The following USP9X variants were observed in gnomAD, a reference collection of about 807,000 sequenced individuals.
The protein encoded by USP9X is ubiquitin carboxyl-terminal hydrolase 9X.
Under a neutral mutation model 190.3 loss-of-function variants are expected in USP9X, and 7 were observed. The observed-to-expected ratio is 0.04, with a 90% CI of 0.02 to 0.07. The LOEUF (loss-of-function observed/expected upper bound fraction) is 0.07. USP9X is among the 10% of genes least tolerant of loss of function. The pLI, the probability that USP9X is intolerant of heterozygous loss-of-function variation, is 1.00. For synonymous variants in USP9X, 645 were observed against 659.5 expected, an observed-to-expected ratio of 0.98 and a Z score of 0.34; for missense variants, 1,010 against 1,916.9, an observed-to-expected ratio of 0.53 and a Z score of 8.83.
chrX:41,173,426 A>T (rs1361364442), intron 21 of USP9X, among the ~76,000 whole-genome samples: 1 of 112,243 alleles, frequency 8.9e-6, no homozygotes, highest in Non-Finnish European at 1.9e-5. Flanking sequence ...CAACCTAAAA[A>T]TTTTTTAAAT....
intron 14 of USP9X, among the ~76,000 whole-genome samples, chrX:41,155,287 A>G (rs2062566971): frequency 3.6e-5 from 4 of 112,137 alleles, no homozygotes; most frequent in Admixed American, 2.8e-4. Flanking sequence ...AAAATTCTCT[A>G]CAGTATTTAC....
At chrX:41,113,540 A>G (rs1451415881) in intron 1 of USP9X, among the ~76,000 whole-genome samples, 2 of 112,173 alleles carry the variant, frequency 1.8e-5, no homozygotes, top group Admixed American at 1.9e-4. Context: ...GGGCATTTTG[A>G]AAGAAAGCTT....
intron 41 of USP9X, among the ~76,000 whole-genome samples, chrX:41,227,295 G>T (rs754461352): frequency 5.1e-4 from 57 of 111,710 alleles, no homozygotes; most frequent in South Asian, 1.5e-3. Flanking sequence ...GATGCTAATG[G>T]GGAGAAAATA....
In USP9X at chrX:41,232,661, T is replaced by C; in HGVS notation, c.*137T>C. ...TGGAGTGGAGAGTTTATTCACTGTCTTATCTGCAGAAATTTGCTGTCAATA... is the reference window on the plus strand; with the variant it reads ...TGGAGTGGAGAGTTTATTCACTGTCCTATCTGCAGAAATTTGCTGTCAATA... On this transcript the variant is annotated 3_prime_UTR_variant, in exon 45 of 45. Coordinates refer to ENST00000378308, the MANE Select transcript of USP9X (RefSeq NM_001039591.3). 3 of 869,863 alleles carry C rather than the reference T, an allele frequency of 3.4e-6. No homozygotes were observed. Among genetic ancestry groups the C allele is most frequent in the Non-Finnish European group, 4.7e-6 (3 of 639,501 alleles). The allele number at this position is 869,863 out of a possible 1,213,427, so 71.7% of individuals were successfully genotyped here.
At chrX:41,192,461 T>C (rs1264509192) in intron 26 of USP9X, among the ~76,000 whole-genome samples, 1 of 112,249 alleles carries the variant, frequency 8.9e-6, no homozygotes, top group Non-Finnish European at 1.9e-5. Context: ...CCTGTTGTTT[T>C]ATTCCCTGCC....
intron 1 of USP9X, among the ~76,000 whole-genome samples, chrX:41,090,167 G>A (rs886119107): frequency 9.2e-5 from 10 of 109,092 alleles, no homozygotes; most frequent in Admixed American, 2.0e-4. Context: ...TGGGCCTCCC[G>A]AAGTGTTAGG....
intron 4 of USP9X, among the ~76,000 whole-genome samples, chrX:41,133,695 GT>G (rs1234016757): frequency 8.9e-6 from 1 of 112,039 alleles, no homozygotes; most frequent in Non-Finnish European, 1.9e-5. Context: ...TGTGATGTTT[GT>G]CTTTCTGTGC....
chrX:41,125,684 A>ACACACACACACACACACACACACTCTCT, intron 2 of USP9X, among the ~76,000 whole-genome samples: 1 of 19,025 alleles, frequency 5.3e-5, no homozygotes, highest in Non-Finnish European at 9.0e-5. Flanking sequence ...ACACACACAC[A>ACACACACACACACACACACACACTCTCT]CTCTCTCTCT....
At chrX:41,136,744 T>C (rs1307222365) in intron 5 of USP9X, 60 bp from the exon 6 acceptor site, 4 of 830,504 alleles carry the variant, frequency 4.8e-6, no homozygotes, top group African/African-American at 2.0e-5. Flanking sequence ...TTGGAAGATA[T>C]TTCTGTTTGA....
chrX:41,108,429 G>C (rs1294007029), intron 1 of USP9X, among the ~76,000 whole-genome samples: 1 of 111,288 alleles, frequency 9.0e-6, no homozygotes, highest in Non-Finnish European at 1.9e-5. Context: ...AGTAATCTTT[G>C]AGGCTGTGTC....
chrX:41,230,492 C>T lies in USP9X; in HGVS notation c.7432-9C>T. 8.3e-7 allele frequency: 1 copy of T among 1,203,020 alleles called. No individual in the cohort carries two copies. Among genetic ancestry groups the T allele is most frequent in the Non-Finnish European group, 1.1e-6 (1 of 889,550 alleles). On this transcript the variant is annotated splice_polypyrimidine_tract_variant and intron_variant, in intron 43 of 44. Coordinates refer to ENST00000378308, the MANE Select transcript of USP9X (RefSeq NM_001039591.3). ...ACGTAATTTTTTATCTTGAAATATT[C>T]AAAATTAGGAGCCAGATGACCAAGA... is the stretch of plus-strand genomic sequence containing the variant.
chrX:41,170,315 T>C, intron 19 of USP9X, 80 bp downstream of exon 19: 2 of 1,092,816 alleles, frequency 1.8e-6, no homozygotes, highest in South Asian at 2.1e-5. Flanking sequence ...TAATTGAGCA[T>C]TTGTTATGTT....
rs1009972251 is a variant in USP9X at position 41,123,467 on chromosome X, G to T, written c.-158-4G>T. The T allele has an allele frequency of 9.2e-6, 4 of 434,136 alleles. No individual in the cohort carries two copies. The highest frequency in any genetic ancestry group is 1.6e-5 in the Non-Finnish European group (4 of 245,535). 35.8% of individuals were successfully genotyped at this position (434,136 alleles called of 1,213,427 possible). A position where few individuals can be genotyped will look rare whatever the true frequency, so the allele number is the denominator to read the frequency against. ...CAATTACTTTTTCCCCTTTCTATTT[G>T]TAGGTTATGCAATGGTCTCTGCAAG... On this transcript the variant is annotated splice_polypyrimidine_tract_variant and splice_region_variant and intron_variant, in intron 1 of 44. Coordinates refer to ENST00000378308, the MANE Select transcript of USP9X (RefSeq NM_001039591.3).
intron 11 of USP9X, among the ~76,000 whole-genome samples, chrX:41,147,050 A>C (rs1332273517): frequency 1.8e-5 from 2 of 111,507 alleles, no homozygotes; most frequent in Non-Finnish European, 3.8e-5. Flanking sequence ...GGTGCAGTCC[A>C]TGTGTATGTC....
intron 1 of USP9X, among the ~76,000 whole-genome samples, chrX:41,120,088 CT>C (rs1203870086): frequency 9.0e-6 from 1 of 111,379 alleles, no homozygotes; most frequent in East Asian, 2.8e-4. Flanking sequence ...AGTCTTAAAA[CT>C]TTGTTTTGCT....
intron 11 of USP9X, among the ~76,000 whole-genome samples, chrX:41,146,148 G>C (rs2062461711): frequency 9.0e-6 from 1 of 111,571 alleles, no homozygotes; most frequent in African/African-American, 3.3e-5. Flanking sequence ...GGAAAAAAAG[G>C]GGTTGTTATT....
intron 31 of USP9X, among the ~76,000 whole-genome samples, chrX:41,201,844 G>C (rs772664822): frequency 9.0e-6 from 1 of 111,456 alleles, no homozygotes; most frequent in South Asian, 3.8e-4. Context: ...GGTGGCACAT[G>C]CCTGTAGTCC....
In USP9X at chrX:41,197,352, C is replaced by CCCCCCAGGG; in HGVS notation, c.4234-12_4234-11insCCCCCAGGG. On this transcript the variant is annotated splice_polypyrimidine_tract_variant and intron_variant, in intron 28 of 44. Coordinates refer to ENST00000378308, the MANE Select transcript of USP9X (RefSeq NM_001039591.3). ...TTCTTCCCCCCCCCACCCCACCCCC[C>CCCCCCAGGG]GCCTTTGGCAGGATGATGTTAAAAG... The CCCCCCAGGG allele has an allele frequency of 2.0e-6, 2 of 988,186 alleles. No homozygotes were observed. Among genetic ancestry groups the CCCCCCAGGG allele is most frequent in the Non-Finnish European group, 2.6e-6 (2 of 759,358 alleles). The allele number at this position is 988,186 out of a possible 1,213,427, so 81.4% of individuals were successfully genotyped here. A position where few individuals can be genotyped will look rare whatever the true frequency, so the allele number is the denominator to read the frequency against.
intron 9 of USP9X, among the ~76,000 whole-genome samples, chrX:41,142,946 CATA>C (rs2062435634): frequency 9.0e-6 from 1 of 111,616 alleles, no homozygotes; most frequent in South Asian, 3.7e-4. Flanking sequence ...AAGGTCAAAA[CATA>C]ATTCTGTGGC....
Sources: gnomAD v4.1 joint callset for allele counts (sites outside exome capture counted in the v4.1 genomes callset) on GRCh38, gnomAD v4.1.1 for gene constraint, MANE v1.5 for transcripts, NCBI Gene and HGNC (gene_info 2026-07-23, HGNC 2026-07-21) for gene names.